Variants in NBEA observed in about 807,000 individuals in gnomAD.
The protein encoded by NBEA is neurobeachin, also known as lysosomal-trafficking regulator 2.
Under a neutral mutation model 343.4 loss-of-function variants are expected in NBEA, and 44 were observed. The observed-to-expected ratio is 0.13, with a 90% confidence interval of 0.10 to 0.16. NBEA has a LOEUF of 0.16. NBEA is among the 10% of genes least tolerant of loss of function. The pLI, the probability that NBEA is intolerant of heterozygous loss-of-function variation, is 1.00. For missense variants in NBEA, 2,555 were observed against 3,631.3 expected (o/e 0.70, Z 7.62); for synonymous variants, 1,175 against 1,238.7 (o/e 0.95, Z 1.08).
At chr13:35,218,791 C>G (rs762103771) in intron 33 of NBEA, among the ~76,000 whole-genome samples, 2 of 151,884 alleles carry the variant, frequency 1.3e-5, no homozygotes, top group Non-Finnish European at 2.9e-5. Context: ...ACATGGTATA[C>G]TATATTGATT....
intron 34 of NBEA, among the ~76,000 whole-genome samples, chr13:35,240,578 A>C (rs906853495): frequency 6.6e-6 from 1 of 151,986 alleles, no homozygotes. Context: ...ATTCTGCAAT[A>C]CAAATTGAGT....
chr13:35,058,610 A>T (rs911615092), intron 7 of NBEA, 107 bp from the exon 8 acceptor site: 21 of 860,830 alleles, frequency 2.4e-5, no homozygotes, highest in Non-Finnish European at 3.8e-5. Context: ...TTCTTCTATT[A>T]TTATTGTTAT....
chr13:35,542,855 A>G (rs1317649116), intron 41 of NBEA, among the ~76,000 whole-genome samples: 5 of 152,090 alleles, frequency 3.3e-5, no homozygotes, highest in Non-Finnish European at 7.4e-5. Context: ...TTTAAGATGT[A>G]CAAATAAGCT....
At chr13:35,585,228 G>A (rs1292812195) in intron 46 of NBEA, among the ~76,000 whole-genome samples, 1 of 148,042 alleles carries the variant, frequency 6.8e-6, no homozygotes. Flanking sequence ...AACCTCTGCT[G>A]TCCTGCAGTG....
intron 6 of NBEA, among the ~76,000 whole-genome samples, chr13:35,054,293 T>C (rs1362922055): frequency 6.6e-6 from 1 of 152,172 alleles, no homozygotes; most frequent in African/African-American, 2.4e-5. Flanking sequence ...TTAATTCTTA[T>C]ACTTGTAAAA....
At chr13:35,122,212 G>GT (rs991707127) in intron 16 of NBEA, among the ~76,000 whole-genome samples, 1 of 151,958 alleles carries the variant, frequency 6.6e-6, no homozygotes, top group Non-Finnish European at 1.5e-5. Flanking sequence ...CAATATACTT[G>GT]TTAAAAAAAA....
At chr13:34,989,603 G>A (rs2060678577) in intron 1 of NBEA, among the ~76,000 whole-genome samples, 1 of 150,774 alleles carries the variant, frequency 6.6e-6, no homozygotes. Flanking sequence ...CCAACACTGA[G>A]GATTACAGTT....
intron 41 of NBEA, chr13:35,476,750 A>G (rs1347521769): frequency 8.5e-6 from 9 of 1,061,942 alleles, no homozygotes; most frequent in Admixed American, 9.8e-5. Context: ...CGGGCGGCCA[A>G]TCGCCACTGG....
rs117586321 is a variant in NBEA, at chr13:35,366,973, A to G, written c.6179+14650A>G. Among the ~76,000 whole-genome samples the G allele has an allele frequency of 9.8e-3, 1,486 of 151,494 alleles. 8 individuals carry two copies. The highest frequency in any genetic ancestry group is 0.013 in the Non-Finnish European group (901 of 67,426). On this transcript the variant is annotated intron_variant, in intron 38 of 58. Coordinates refer to ENST00000379939, the MANE Select transcript of NBEA (RefSeq NM_001385012.1). ...TTACATTTGCCTCTTACCAATTTTCATATGTAACAAAAAAATGGCAATTTA... is the reference window on the plus strand; with the variant it reads ...TTACATTTGCCTCTTACCAATTTTCGTATGTAACAAAAAAATGGCAATTTA...
intron 30 of NBEA, among the ~76,000 whole-genome samples, chr13:35,184,678 T>C (rs943240430): frequency 6.6e-6 from 1 of 151,962 alleles, no homozygotes; most frequent in African/African-American, 2.4e-5. Context: ...AGCCATTACA[T>C]GTATATTCAA....
chr13:35,039,113 GT>G (rs1028422165), intron 1 of NBEA, among the ~76,000 whole-genome samples: 6 of 152,138 alleles, frequency 3.9e-5, no homozygotes, highest in African/African-American at 1.4e-4. Context: ...CATCAGCTTA[GT>G]TTGGTCAGGT....
chr13:35,521,440 T>C (rs1251743251), intron 41 of NBEA, among the ~76,000 whole-genome samples: 4 of 152,300 alleles, frequency 2.6e-5, no homozygotes, highest in Non-Finnish European at 5.9e-5. Context: ...GATCATTTAT[T>C]TTAAGCAATA....
chr13:35,369,156 A>ATTTTTT (rs36109768), intron 38 of NBEA, among the ~76,000 whole-genome samples: 9 of 128,316 alleles, frequency 7.0e-5, no homozygotes, highest in African/African-American at 2.4e-4. Flanking sequence ...TGCCAGCACC[A>ATTTTTT]TTTTTTTTTT....
intron 48 of NBEA, among the ~76,000 whole-genome samples, chr13:35,613,293 A>G (rs2082601706): frequency 6.6e-6 from 1 of 150,640 alleles, no homozygotes; most frequent in South Asian, 2.1e-4. Flanking sequence ...GTGAGATCAT[A>G]CATTATTTGT....
chr13:35,221,879 A>G (rs570797919), intron 33 of NBEA, among the ~76,000 whole-genome samples: 1 of 152,148 alleles, frequency 6.6e-6, no homozygotes, highest in Non-Finnish European at 1.5e-5. Flanking sequence ...CTACCAAAAC[A>G]TGTCCATGGG....
At chr13:35,130,036 T>C (rs1450595138) in intron 17 of NBEA, among the ~76,000 whole-genome samples, 2 of 152,158 alleles carry the variant, frequency 1.3e-5, no homozygotes, top group South Asian at 2.1e-4. Context: ...TAAAAAATGC[T>C]GTCTGTTAAA....
chr13:35,425,254 A>G (rs7996770), intron 38 of NBEA, among the ~76,000 whole-genome samples: 31,689 of 151,636 alleles, frequency 0.21, 3,480 homozygotes, highest in East Asian at 0.31. Flanking sequence ...GTCAATTTTA[A>G]ATCTTTCCTG....
chr13:35,152,617 C>T (rs576564989), intron 18 of NBEA, among the ~76,000 whole-genome samples: 41 of 152,266 alleles, frequency 2.7e-4, no homozygotes, highest in African/African-American at 9.6e-4. Flanking sequence ...CAAAATAATT[C>T]CATTTATAAA....
chr13:35,118,781 G>T (rs1329564237), intron 16 of NBEA, among the ~76,000 whole-genome samples: 3 of 151,422 alleles, frequency 2.0e-5, no homozygotes, highest in Non-Finnish European at 4.4e-5. Context: ...ACCAAAAGAG[G>T]ATACAATGAA....
Sources: gnomAD v4.1 joint callset for allele counts (sites outside exome capture counted in the v4.1 genomes callset) on GRCh38, gnomAD v4.1.1 for gene constraint, MANE v1.5 for transcripts, NCBI Gene and HGNC (gene_info 2026-07-23, HGNC 2026-07-21) for gene names.